TRPM6: variants seen among roughly 807,000 people sequenced by gnomAD.
TRPM6 encodes the protein channel kinase 2.
TRPM6 carries 111 observed loss-of-function variants against 247.6 expected under a neutral mutation model. The ratio of observed to expected loss-of-function variants is 0.45; its 90% CI spans 0.38 to 0.52. The LOEUF is 0.52. Ranked by LOEUF, TRPM6 falls within the 20% of genes least tolerant of loss-of-function variation. The pLI, the probability that TRPM6 is intolerant of heterozygous loss-of-function variation, is 0.00. For synonymous variants in TRPM6, 892 were observed against 853.8 expected (o/e 1.04, Z -0.78); for missense variants, 2,126 against 2,421.5 (o/e 0.88, Z 2.56).
At chr9:74,867,879 C>T (rs35878400) in intron 1 of TRPM6, among the ~76,000 whole-genome samples, 29,438 of 152,176 alleles carry the variant, frequency 0.19, 3,265 homozygotes, top group Middle Eastern at 0.32. Flanking sequence ...GATGGCCAGA[C>T]GCAGTGGCTC....
intron 3 of TRPM6, among the ~76,000 whole-genome samples, chr9:74,843,536 C>T (rs7862913): frequency 5.4e-4 from 82 of 152,134 alleles, no homozygotes; most frequent in African/African-American, 1.9e-3. Context: ...AGGCCAGGTG[C>T]GGTGGCTCAC....
chr9:74,854,912 C>T (rs940043012), intron 3 of TRPM6, among the ~76,000 whole-genome samples: 1 of 152,204 alleles, frequency 6.6e-6, no homozygotes, highest in Non-Finnish European at 1.5e-5. Flanking sequence ...AATCAGAGCT[C>T]AAGCAGTCCA....
At chr9:74,770,108 TTCAA>T (rs1162360481) in intron 25 of TRPM6, among the ~76,000 whole-genome samples, 4 of 152,194 alleles carry the variant, frequency 2.6e-5, no homozygotes, top group African/African-American at 9.7e-5. Context: ...TAATCTGAAA[TTCAA>T]TCAGGCACAG....
chr9:74,793,357 T>A (rs1178375903), intron 18 of TRPM6, among the ~76,000 whole-genome samples: 1 of 151,880 alleles, frequency 6.6e-6, no homozygotes, highest in African/African-American at 2.4e-5. Context: ...CCCAATATCC[T>A]TTTTTTTGAG....
chr9:74,839,226 A>G (rs1330087637), intron 5 of TRPM6, among the ~76,000 whole-genome samples: 1 of 152,140 alleles, frequency 6.6e-6, no homozygotes, highest in Non-Finnish European at 1.5e-5. Context: ...GAAGCTCCTG[A>G]CTAAAAGCCT....
At chr9:74,837,255 C>T (rs768904822) in intron 5 of TRPM6, among the ~76,000 whole-genome samples, 8 of 152,120 alleles carry the variant, frequency 5.3e-5, no homozygotes, top group Non-Finnish European at 8.8e-5. Flanking sequence ...TAAACGTGCA[C>T]GGGAATCATC....
At chr9:74,799,565 CACACACAT>C (rs1417083755) in intron 17 of TRPM6, among the ~76,000 whole-genome samples, 1 of 148,354 alleles carries the variant, frequency 6.7e-6, no homozygotes, top group Non-Finnish European at 1.5e-5. Context: ...CACACACACA[CACACACAT>C]TGGGTAAGCA....
At chr9:74,860,015 T>C (rs1830647812) in intron 1 of TRPM6, among the ~76,000 whole-genome samples, 1 of 152,204 alleles carries the variant, frequency 6.6e-6, no homozygotes, top group Non-Finnish European at 1.5e-5. Flanking sequence ...GCTCAGTGGA[T>C]CTTGTCCAAC....
intron 27 of TRPM6, among the ~76,000 whole-genome samples, chr9:74,759,475 A>T (rs1028679041): frequency 6.6e-6 from 1 of 152,182 alleles, no homozygotes; most frequent in Admixed American, 6.5e-5. Context: ...CAGAAAAAAG[A>T]TATCTTCTAT....
In TRPM6 at chr9:74,816,884, A is replaced by T. The variant is rs745843065; in HGVS notation, c.1207+8T>A. 3 of 1,614,014 alleles carry T rather than the reference A, an allele frequency of 1.9e-6. No homozygotes were observed. The highest frequency in any genetic ancestry group is 2.2e-5 in the East Asian group (1 of 44,872). ...GAGGAACAATTGCAACCCCATCCAG[A>T]TACTCACCCTTCAGCAAAGCTGTTA... On this transcript the variant is annotated splice_region_variant and intron_variant, in intron 10 of 38. Transcript: ENST00000360774.
rs1829970731 is a variant in TRPM6, at chr9:74,842,326, AG to A, written c.169del (p.Leu57Ter). 1.2e-6 allele frequency: 2 copies of A among 1,614,056 alleles called. No individual in the cohort carries two copies. The highest frequency in any genetic ancestry group is 8.5e-7 in the Non-Finnish European group (1 of 1,180,034). The stretch of plus-strand genomic sequence containing the variant: ...ATCTATCCCAGCATGGTCTCCAATC[AG>A]TCGGCCACAGTAACACCTTAAATTC... ...QNLIRCYCGR[L>X]IGDHAGIDYS... On this transcript the variant is annotated frameshift_variant, in exon 4 of 39. Coordinates refer to ENST00000360774, the MANE Select transcript of TRPM6 (RefSeq NM_017662.5). LOFTEE classifies it high-confidence loss of function.
At chr9:74,863,651 G>T (rs1007487505) in intron 1 of TRPM6, among the ~76,000 whole-genome samples, 1 of 151,994 alleles carries the variant, frequency 6.6e-6, no homozygotes, top group African/African-American at 2.4e-5. Flanking sequence ...GCGCGATCTC[G>T]GCTCACTGCG....
chr9:74,843,022 T>G (rs917277192), intron 3 of TRPM6, among the ~76,000 whole-genome samples: 6 of 152,248 alleles, frequency 3.9e-5, no homozygotes, highest in African/African-American at 1.4e-4. Flanking sequence ...GTAGAACTAC[T>G]TTCAAAACTG....
At chr9:74,800,586 G>T in intron 16 of TRPM6, 104 bp from the exon 17 acceptor site, 1 of 824,220 alleles carries the variant, frequency 1.2e-6, no homozygotes, top group Non-Finnish European at 2.0e-6. Context: ...TTGGATGTGA[G>T]GCTCAGAAAA....
At chr9:74,800,113 C>G in intron 17 of TRPM6, 141 bp downstream of exon 17, 1 of 771,666 alleles carries the variant, frequency 1.3e-6, no homozygotes, top group Non-Finnish European at 2.2e-6. Context: ...GCTGCAGTCC[C>G]CTGCTAGAAC....
intron 19 of TRPM6, among the ~76,000 whole-genome samples, chr9:74,791,069 C>T (rs922796033): frequency 3.3e-5 from 5 of 152,176 alleles, no homozygotes; most frequent in African/African-American, 7.2e-5. Context: ...AGCTTTGTTC[C>T]TGTTTCTTAA....
At chr9:74,772,996 C>T (rs890766512) in intron 24 of TRPM6, among the ~76,000 whole-genome samples, 5 of 150,784 alleles carry the variant, frequency 3.3e-5, no homozygotes, top group African/African-American at 1.2e-4. Flanking sequence ...GTGTGGTGGT[C>T]CATGCCTGTA....
chr9:74,738,558 A>T lies in TRPM6; in HGVS notation c.5625T>A (p.Ile1875=), dbSNP rs368053794. The change falls in exon 36 of 39, where the codon ATT becomes ATA. Residue 1875 remains isoleucine (I), a synonymous_variant. Coordinates refer to ENST00000360774, the MANE Select transcript of TRPM6 (RefSeq NM_017662.5). ...YCHSANQWLT[I]EKYMTGEFRK... Reference sequence around the variant, plus strand: ...GGAACTCCCCTGTCATATACTTCTCAATGGTCAACCACTGGTTGGCTGAAT... The same window carrying T: ...GGAACTCCCCTGTCATATACTTCTCTATGGTCAACCACTGGTTGGCTGAAT... 4.5e-5 allele frequency: 72 copies of T among 1,613,228 alleles called. No homozygotes were observed. Among genetic ancestry groups the T allele is most frequent in the Non-Finnish European group, 5.8e-5 (68 of 1,179,360 alleles).
At chr9:74,810,789 T>C (rs1384546280) in intron 13 of TRPM6, 26 bp downstream of exon 13, 3 of 1,608,422 alleles carry the variant, frequency 1.9e-6, no homozygotes, top group Middle Eastern at 1.6e-4. Context: ...CACAAAGACA[T>C]GTTCACGCCT....
Sources: gnomAD v4.1 joint callset for allele counts (sites outside exome capture counted in the v4.1 genomes callset) on GRCh38, gnomAD v4.1.1 for gene constraint, MANE v1.5 for transcripts, NCBI Gene and HGNC (gene_info 2026-07-23, HGNC 2026-07-21) for gene names.